The following NBAS variants were observed in gnomAD, a reference collection of about 807,000 sequenced individuals.
The protein encoded by NBAS is NAG/BC035112 fusion.
Under a neutral mutation model 302.5 loss-of-function variants are expected in NBAS, and 219 were observed. The ratio of observed to expected loss-of-function variants is 0.72; its 90% CI spans 0.65 to 0.81. The LOEUF (loss-of-function observed/expected upper bound fraction) is 0.81, where lower values mean the gene tolerates loss of function less well. Among genes scored for constraint, NBAS ranks in the 30% least tolerant of loss-of-function variants. NBAS has a pLI of 0.00. For missense variants in NBAS, 2,932 were observed against 2,841.6 expected, an observed-to-expected ratio of 1.03 and a Z score of -0.72; for synonymous variants, 1,118 against 1,021.6, an observed-to-expected ratio of 1.09 and a Z score of -1.80.
chr2:15,497,051 T>A (rs983713270), intron 11 of NBAS, among the ~76,000 whole-genome samples: 1 of 151,192 alleles, frequency 6.6e-6, no homozygotes, highest in Admixed American at 6.6e-5. Flanking sequence ...AGAAAAAAAA[T>A]GGAATCTACA....
At chr2:15,305,449 G>GTT (rs35136896) in intron 40 of NBAS, among the ~76,000 whole-genome samples, 25 of 123,764 alleles carry the variant, frequency 2.0e-4, no homozygotes, top group African/African-American at 4.9e-4. Flanking sequence ...GTCTCGAGCA[G>GTT]TTTTTTTTTT....
rs549902484 is a variant in NBAS at position 15,381,716 on chromosome 2, T to G, written c.3360+1499A>C. Among the ~76,000 whole-genome samples, 12 of 152,322 alleles carry G rather than the reference T, an allele frequency of 7.9e-5. No individual in the cohort carries two copies. The East Asian group carries it at 2.3e-3, about 29-fold the overall frequency. On this transcript the variant is annotated intron_variant, in intron 29 of 51. Coordinates refer to ENST00000281513, the MANE Select transcript of NBAS (RefSeq NM_015909.4). ...TGTTCTAATGAAGTTGGTTTCAGGT[T>G]TTGCTTTAGATGCAAAAGGGGAAGA...
the NBAS span, among the ~76,000 whole-genome samples, chr2:14,902,565 T>C: frequency 9.2e-5 from 14 of 152,268 alleles, no homozygotes; most frequent in African/African-American, 1.7e-4. Context: ...TGTGCAAACA[T>C]TGGAAAATGG....
the NBAS span, among the ~76,000 whole-genome samples, chr2:14,873,436 C>T: frequency 6.6e-6 from 1 of 152,042 alleles, no homozygotes; most frequent in Non-Finnish European, 1.5e-5. Context: ...AGGCTGGTCT[C>T]AAACTCCTGA....
intron 28 of NBAS, among the ~76,000 whole-genome samples, chr2:15,390,226 C>T (rs1675521200): frequency 1.3e-5 from 2 of 152,042 alleles, no homozygotes; most frequent in Non-Finnish European, 2.9e-5. Context: ...AATAATTAGC[C>T]CTAGAAGGAG....
chr2:15,070,543 C>G, the NBAS span, among the ~76,000 whole-genome samples: 1 of 152,106 alleles, frequency 6.6e-6, no homozygotes, highest in African/African-American at 2.4e-5. Context: ...TAAGTCCTAC[C>G]CCTTGGTCTC....
chr2:15,488,701 T>C (rs1278121534), intron 12 of NBAS, among the ~76,000 whole-genome samples, 193 bp downstream of exon 12: 1 of 152,058 alleles, frequency 6.6e-6, no homozygotes, highest in East Asian at 1.9e-4. Context: ...ACACTACAAT[T>C]CAAAATTAGT....
At chr2:15,268,511 T>G in intron 44 of NBAS, among the ~76,000 whole-genome samples, 1 of 152,158 alleles carries the variant, frequency 6.6e-6, no homozygotes, top group East Asian at 1.9e-4. Flanking sequence ...CCTAATTTGT[T>G]TGATTTTTTA....
At chr2:15,323,471 G>A (rs561161539) in intron 38 of NBAS, among the ~76,000 whole-genome samples, 1 of 152,190 alleles carries the variant, frequency 6.6e-6, no homozygotes, top group East Asian at 1.9e-4. Flanking sequence ...GGACACATGA[G>A]GCTGGGGAGA....
At chr2:15,016,130 T>C in the NBAS span, among the ~76,000 whole-genome samples, 36 of 152,154 alleles carry the variant, frequency 2.4e-4, no homozygotes, top group African/African-American at 8.2e-4. Flanking sequence ...AGAGGTTTAA[T>C]GGACTCACAG....
At chr2:15,179,212 C>CGTGT (rs200044864) in intron 50 of NBAS, 96 bp from the exon 51 acceptor site, 68 of 1,547,660 alleles carry the variant, frequency 4.4e-5, no homozygotes, top group Non-Finnish European at 5.2e-5. Flanking sequence ...TCTGTGGTAG[C>CGTGT]GTGTGTGTGT....
chr2:15,328,461 C>T, intron 36 of NBAS, 149 bp from the exon 37 acceptor site: 1 of 698,256 alleles, frequency 1.4e-6, no homozygotes, highest in East Asian at 2.6e-5. Flanking sequence ...TTTCCCACGA[C>T]CTAAAAAGAG....
chr2:14,980,379 G>T, the NBAS span, among the ~76,000 whole-genome samples: 10 of 152,274 alleles, frequency 6.6e-5, no homozygotes, highest in Admixed American at 3.9e-4. Context: ...CACAGGGGCT[G>T]AAAATAGAAA....
chr2:14,847,240 G>A, the NBAS span, among the ~76,000 whole-genome samples: 47 of 151,838 alleles, frequency 3.1e-4, no homozygotes, highest in South Asian at 2.3e-3. Flanking sequence ...AAAATTAGCC[G>A]GGTGTGGTGG....
intron 48 of NBAS, among the ~76,000 whole-genome samples, chr2:15,217,050 T>C (rs2147878858): frequency 6.6e-6 from 1 of 152,368 alleles, no homozygotes; most frequent in South Asian, 2.1e-4. Context: ...TGAACCTTCA[T>C]GTTTGCTGAA....
chr2:15,129,784 T>C, the NBAS span, among the ~76,000 whole-genome samples: 72 of 152,196 alleles, frequency 4.7e-4, no homozygotes, highest in Non-Finnish European at 9.1e-4. Context: ...TCTCCTCTCA[T>C]CTCAGCAGCT....
At chr2:15,417,967 G>C (rs548454749) in intron 23 of NBAS, among the ~76,000 whole-genome samples, 1 of 152,110 alleles carries the variant, frequency 6.6e-6, no homozygotes, top group Admixed American at 6.5e-5. Flanking sequence ...TTATAAATTT[G>C]TAGAGCGTTA....
chr2:15,350,413 T>C (rs1673296110), intron 35 of NBAS, among the ~76,000 whole-genome samples: 1 of 152,146 alleles, frequency 6.6e-6, no homozygotes, highest in Admixed American at 6.5e-5. Context: ...CCAATCTATA[T>C]AGAGAATCAT....
chr2:14,839,553 C>G, the NBAS span, among the ~76,000 whole-genome samples: 2 of 152,024 alleles, frequency 1.3e-5, no homozygotes, highest in Admixed American at 6.6e-5. Flanking sequence ...TTCAGTAGCA[C>G]CATGTTGTAG....
Sources: gnomAD v4.1 joint callset for allele counts (sites outside exome capture counted in the v4.1 genomes callset) on GRCh38, gnomAD v4.1.1 for gene constraint, MANE v1.5 for transcripts, NCBI Gene and HGNC (gene_info 2026-07-23, HGNC 2026-07-21) for gene names.